The following TPRG1 variants were observed in gnomAD, a reference collection of about 807,000 sequenced individuals.
TPRG1 encodes tumor protein p63 regulated 1.
A neutral mutation model predicts 29.3 loss-of-function variants in TPRG1; 29 were observed. The ratio of observed to expected loss-of-function variants is 0.99; its 90% CI spans 0.74 to 1.35. The LOEUF is 1.35. Ranked by LOEUF, TPRG1 falls within the 40% of genes most tolerant of loss-of-function variation. The pLI is 0.00. For missense variants in TPRG1, 327 were observed against 335.0 expected, an observed-to-expected ratio of 0.98 and a Z score of 0.19; for synonymous variants, 130 against 116.8, an observed-to-expected ratio of 1.11 and a Z score of -0.73.
At chr3:189,053,512 G>A (rs563871070) in intron 4 of TPRG1, among the ~76,000 whole-genome samples, 5 of 152,158 alleles carry the variant, frequency 3.3e-5, no homozygotes, top group South Asian at 2.1e-4. Context: ...GCCAGACCCC[G>A]CACCCACCAT....
chr3:189,239,086 C>T (rs554290610), intron 4 of TPRG1, 177 bp downstream of exon 4: 8 of 515,174 alleles, frequency 1.6e-5, no homozygotes, highest in African/African-American at 1.4e-4. Context: ...TCCAGGGATA[C>T]AACTTTAAGT....
At chr3:189,272,194 G>A (rs1185638153) in intron 4 of TPRG1, among the ~76,000 whole-genome samples, 1 of 152,176 alleles carries the variant, frequency 6.6e-6, no homozygotes, top group Non-Finnish European at 1.5e-5. Flanking sequence ...TTTCCCATAT[G>A]TAATGCAAGC....
intron 4 of TPRG1, among the ~76,000 whole-genome samples, chr3:189,084,290 T>C (rs929232089): frequency 2.6e-5 from 4 of 152,222 alleles, no homozygotes; most frequent in African/African-American, 9.6e-5. Context: ...AAATGTGGCT[T>C]TATAAAGTAC....
At chr3:189,202,997 G>A (rs943974372) in intron 1 of TPRG1, among the ~76,000 whole-genome samples, 1 of 152,200 alleles carries the variant, frequency 6.6e-6, no homozygotes, top group African/African-American at 2.4e-5. Flanking sequence ...AGGTCGGGTT[G>A]CATGTTTTCA....
At chr3:189,114,820 A>T (rs562501958) in intron 1 of TPRG1, among the ~76,000 whole-genome samples, 11 of 152,284 alleles carry the variant, frequency 7.2e-5, no homozygotes, top group African/African-American at 2.4e-4. Flanking sequence ...GGTATTTAAG[A>T]GTTAAATAGA....
chr3:189,322,357 T>C lies in TPRG1; in HGVS notation c.*1537T>C, dbSNP rs895480499. ...TGAATAACTCTTATTTTATTTTGTC[T>C]TTGTTTACTTCCATTAATTTTTTTT... On this transcript the variant is annotated 3_prime_UTR_variant, in exon 6 of 6. Transcript: ENST00000345063. 8.5e-5 allele frequency: 13 copies of C among 152,572 alleles called. No individual in the cohort carries two copies. The highest frequency in any genetic ancestry group is 2.7e-4 in the African/African-American group (11 of 41,444). The allele number at this position is 152,572 out of a possible 1,614,324, so 9.5% of individuals were successfully genotyped here. A position where few individuals can be genotyped will look rare whatever the true frequency, so the allele number is the denominator to read the frequency against.
chr3:189,171,849 G>T (rs1728851238), upstream of TPRG1: 1 of 152,228 alleles, frequency 6.6e-6, no homozygotes, highest in South Asian at 2.1e-4. Context: ...GTGTGTCATT[G>T]CAGAACAAGA....
intron 1 of TPRG1, among the ~76,000 whole-genome samples, chr3:189,175,524 T>G (rs1350062107): frequency 6.6e-6 from 1 of 152,194 alleles, no homozygotes. Context: ...TGACCAGACA[T>G]TAGTTCATGA....
intron 2 of TPRG1, among the ~76,000 whole-genome samples, chr3:189,209,466 A>G (rs952310173): frequency 6.6e-6 from 1 of 152,128 alleles, no homozygotes; most frequent in African/African-American, 2.4e-5. Context: ...ACACATGATG[A>G]TTGTATTGGT....
intron 4 of TPRG1, among the ~76,000 whole-genome samples, chr3:189,241,195 T>A (rs1358784484): frequency 6.6e-6 from 1 of 152,192 alleles, no homozygotes; most frequent in Non-Finnish European, 1.5e-5. Flanking sequence ...AAACAGGTGC[T>A]ACCAATTAAT....
intron 1 of TPRG1, among the ~76,000 whole-genome samples, chr3:189,200,370 C>T (rs1322065610): frequency 3.9e-5 from 6 of 152,220 alleles, no homozygotes; most frequent in East Asian, 1.9e-4. Flanking sequence ...GCACATCCCT[C>T]GGCTGTTCTC....
intron 4 of TPRG1, among the ~76,000 whole-genome samples, chr3:189,294,869 A>G: frequency 6.6e-6 from 1 of 151,882 alleles, no homozygotes; most frequent in East Asian, 1.9e-4. Flanking sequence ...TTTTTTTATT[A>G]CACTTTAAGT....
chr3:189,269,970 TTTCATAAACA>T (rs1288285646), intron 4 of TPRG1, among the ~76,000 whole-genome samples: 2 of 152,184 alleles, frequency 1.3e-5, no homozygotes, highest in East Asian at 3.8e-4. Flanking sequence ...AGTTTTGACT[TTTCATAAACA>T]GGCTCCCTGA....
intron 5 of TPRG1, among the ~76,000 whole-genome samples, chr3:189,152,994 T>C (rs1278474936): frequency 6.6e-6 from 1 of 152,226 alleles, no homozygotes; most frequent in African/African-American, 2.4e-5. Context: ...CTTATGAAAG[T>C]AGTTTCACGT....
chr3:189,314,393 A>C (rs997131110), intron 5 of TPRG1, among the ~76,000 whole-genome samples: 2 of 152,194 alleles, frequency 1.3e-5, no homozygotes, highest in Non-Finnish European at 2.9e-5. Flanking sequence ...GGATATAATT[A>C]CGTTCAAGTT....
intron 4 of TPRG1, chr3:189,023,981 G>C (rs997004300): frequency 6.6e-6 from 1 of 152,324 alleles, no homozygotes; most frequent in Admixed American, 6.5e-5. Context: ...CGGGATCAGA[G>C]ACCCACTTAA....
chr3:189,205,073 A>G (rs1003577026), intron 1 of TPRG1, among the ~76,000 whole-genome samples: 2 of 152,120 alleles, frequency 1.3e-5, no homozygotes, highest in Non-Finnish European at 2.9e-5. Context: ...AAAAGCTCAG[A>G]GACATCTTTT....
At chr3:189,078,128 TCTTTC>T (rs1717343530) in intron 4 of TPRG1, among the ~76,000 whole-genome samples, 1 of 125,386 alleles carries the variant, frequency 8.0e-6, no homozygotes, top group Non-Finnish European at 1.8e-5. Context: ...TTTCTTTCTT[TCTTTC>T]TTTCCTTTCT....
At chr3:189,309,066 C>CTTTTTTTTTTTTTTTTTTTTTTT (rs58250420) in intron 4 of TPRG1, among the ~76,000 whole-genome samples, 1 of 90,794 alleles carries the variant, frequency 1.1e-5, no homozygotes. Flanking sequence ...TTCCTATATA[C>CTTTTTTTTTTTTTTTTTTTTTTT]TTTTTTTTTT....
Sources: allele counts gnomAD v4.1 joint callset (sites outside exome capture counted in the v4.1 genomes callset), GRCh38; gene constraint gnomAD v4.1.1; transcripts MANE v1.5; gene names NCBI Gene and HGNC (gene_info 2026-07-23, HGNC 2026-07-21).